Variants in FAT2 observed in about 807,000 individuals in gnomAD.
FAT2 encodes the protein FAT atypical cadherin 2.
A neutral mutation model predicts 295.3 loss-of-function variants in FAT2; 150 were observed. The ratio of observed to expected loss-of-function variants is 0.51; its 90% CI spans 0.44 to 0.58. FAT2 has a LOEUF of 0.58. Ranked by LOEUF, FAT2 falls within the 20% of genes least tolerant of loss-of-function variation. FAT2 has a pLI of 0.00. For synonymous variants in FAT2, 2,026 were observed against 2,150.3 expected, an observed-to-expected ratio of 0.94 and a Z score of 1.60; for missense variants, 4,868 against 5,442.7, an observed-to-expected ratio of 0.89 and a Z score of 3.32.
rs34791158 is a variant in FAT2, at chr5:151,545,481, G to A, written c.5646C>T (p.Val1882=). 1.5e-5 allele frequency: 24 copies of A among 1,614,142 alleles called. No homozygotes were observed. The highest frequency in any genetic ancestry group is 2.2e-5 in the East Asian group (1 of 44,886). ...FSEQIYEVAI[V]GPIHPGMELL... The stretch of plus-strand genomic sequence containing the variant: ...GCTCCATGCCTGGATGGATAGGCCC[G>A]ACTATTGCTACCTCATATATCTGTT... Residue 1882 remains valine, a synonymous_variant, in exon 10 of 24, where the codon GTC becomes GTT. Transcript: ENST00000261800.
At chr5:151,508,789 T>G (rs1026466046) in intron 22 of FAT2, among the ~76,000 whole-genome samples, 3 of 151,930 alleles carry the variant, frequency 2.0e-5, no homozygotes, top group Non-Finnish European at 4.4e-5. Flanking sequence ...TGGGCCTCAG[T>G]TACTGCAGCT....
chr5:151,566,893 G>A lies in FAT2; in HGVS notation c.2039C>T (p.Thr680Ile), dbSNP rs2127647004. The change falls in exon 2 of 24, where the codon ACA becomes ATA. Residue 680 changes from threonine to isoleucine, a missense_variant. Physicochemically the swap from Thr to Ile is moderately conservative, Grantham distance 89. Transcript: ENST00000261800. ...CDKTGVLTQFTKTILHFIGLQ... is the reference protein window; with the variant it reads ...CDKTGVLTQFIKTILHFIGLQ... Reference sequence around the variant, plus strand: ...CCCAATAAAGTGGAGGATAGTCTTTGTGAATTGTGTCAATACCCCTGTTTT... The same window carrying A: ...CCCAATAAAGTGGAGGATAGTCTTTATGAATTGTGTCAATACCCCTGTTTT... 6.2e-7 allele frequency: 1 copy of A among 1,614,190 alleles called. No individual in the cohort carries two copies. Among genetic ancestry groups the A allele is most frequent in the Non-Finnish European group, 8.5e-7 (1 of 1,180,040 alleles).
chr5:151,561,338 A>G (rs566653319), intron 3 of FAT2, among the ~76,000 whole-genome samples: 1 of 152,176 alleles, frequency 6.6e-6, no homozygotes, highest in African/African-American at 2.4e-5. Flanking sequence ...AGAGGTCAGC[A>G]AGGACAGACC....
In FAT2 at chr5:151,513,133, T is replaced by A. The variant is rs187623001; in HGVS notation, c.11464-527A>T. ...TATACAACAGAGTTTTGGAGACACA[T>A]GTTGTCACAACTGATGAATGCAGAA... On this transcript the variant is annotated intron_variant, in intron 20 of 23. Transcript: ENST00000261800. Among the ~76,000 whole-genome samples the A allele has an allele frequency of 3.2e-4, 48 of 152,354 alleles. 1 individual carries two copies. In the East Asian group the frequency reaches 9.1e-3, roughly 29 times the overall value.
At chr5:151,537,321 GAAAA>G (rs759472487) in intron 12 of FAT2, among the ~76,000 whole-genome samples, 71 of 22,538 alleles carry the variant, frequency 3.2e-3, no homozygotes, top group South Asian at 0.024. Flanking sequence ...AAAAGAAAGA[GAAAA>G]AAAGAAAGAA....
At chr5:151,524,160 G>A (rs959773044) in intron 18 of FAT2, among the ~76,000 whole-genome samples, 20 of 152,022 alleles carry the variant, frequency 1.3e-4, no homozygotes, top group African/African-American at 2.7e-4. Context: ...TCCCTTTTCC[G>A]TCTGAAACCC....
intron 6 of FAT2, among the ~76,000 whole-genome samples, chr5:151,552,876 G>A (rs1389521455): frequency 6.6e-6 from 1 of 152,216 alleles, no homozygotes; most frequent in African/African-American, 2.4e-5. Context: ...AAGCATTTCT[G>A]CTCTGGGTCT....
rs6862750 is a variant in FAT2, at chr5:151,512,102, T to G, written c.11905+63A>C. 1 of 1,507,280 alleles carries G rather than the reference T, an allele frequency of 6.6e-7. No individual in the cohort carries two copies. The highest frequency in any genetic ancestry group is 9.0e-7 in the Non-Finnish European group (1 of 1,108,610). The allele number at this position is 1,507,280 out of a possible 1,614,324, so 93.4% of individuals were successfully genotyped here. Reference sequence around the variant, plus strand: ...CTCTGAGATCTCCACCCTGACATGCTTTTCCCACCTGAAGAGCCTTCTGGG... The same window carrying G: ...CTCTGAGATCTCCACCCTGACATGCGTTTCCCACCTGAAGAGCCTTCTGGG... On this transcript the variant is annotated intron_variant, in intron 21 of 23. Coordinates refer to ENST00000261800, the MANE Select transcript of FAT2 (RefSeq NM_001447.3). This position sits in a 1 kb window ranked among gnomAD's most constrained non-coding sequence, Gnocchi z 4.1.
At chr5:151,557,527 G>A (rs1561867389) in intron 3 of FAT2, among the ~76,000 whole-genome samples, 1 of 152,130 alleles carries the variant, frequency 6.6e-6, no homozygotes, top group Non-Finnish European at 1.5e-5. Flanking sequence ...AGAACAGAAG[G>A]AAGCCTGACA....
At position 151,549,333 on chromosome 5, in the gene FAT2, C is replaced by T. The variant is rs140124616; in HGVS notation, c.4751G>A (p.Arg1584Gln). 43 of 1,613,550 alleles carry T rather than the reference C, an allele frequency of 2.7e-5. No homozygotes were observed. The highest frequency in any genetic ancestry group is 1.6e-4 in the South Asian group (15 of 91,048). The change falls in exon 9 of 24, where the codon CGG becomes CAG. Residue 1584 changes from arginine to glutamine, a missense_variant. Around this residue, in one of 5 missense-constraint regions of FAT2, gnomAD observed 3,297 missense variants for 3,669.4 expected, o/e 0.90. Transcript: ENST00000261800. ...GTAGTGGACCTCAGCATTGACTCCC[C>T]GGTCAGCATCCATGGCTCGGACCTG... ...LLQVRAMDAD[R>Q]GVNAEVHYSL... is the part of the protein sequence containing the mutation.
In FAT2 at chr5:151,544,526, G is replaced by T; in HGVS notation, c.6601C>A (p.Leu2201Ile). 2 of 1,614,076 alleles carry T rather than the reference G, an allele frequency of 1.2e-6. No homozygotes were observed. The highest frequency in any genetic ancestry group is 1.7e-6 in the Non-Finnish European group (2 of 1,179,998). ...TCCACAATGTTGTAGATGAGCCGGA[G>T]TCCCTCTGGACTCCGGGCCTGGGTG... ...LHTQARSPEG[L>I]RLIYNIVEEE... is the part of the protein sequence containing the mutation. The change falls in exon 10 of 24, where the codon CTC becomes ATC. Residue 2201 changes from leucine to isoleucine, a missense_variant. Transcript: ENST00000261800.
Position 151,521,647 on chromosome 5 carries a change from C to T in FAT2, c.10946G>A (p.Arg3649Gln), listed in dbSNP as rs201335279. Residue 3649 changes from arginine (R) to glutamine (Q), a missense_variant, in exon 19 of 24, where the codon CGG becomes CAG. This residue lies in a region of FAT2 where 1,046 missense variants were observed against 1,210.1 expected (regional missense o/e 0.86). Transcript: ENST00000261800. ...TPEELVSDHW[R>Q]NLQRFLSHKL... ...ATGGCTGAGGAACCTCTGCAGGTTC[C>T]GCCAGTGGTCACTCACCAGCTCCTC... 17 of 1,613,924 alleles carry T rather than the reference C, an allele frequency of 1.1e-5. No individual in the cohort carries two copies. The highest frequency in any genetic ancestry group is 3.3e-4 in the Middle Eastern group (2 of 6,084).
intron 3 of FAT2, among the ~76,000 whole-genome samples, chr5:151,561,449 G>A (rs1359985350): frequency 6.6e-6 from 1 of 152,058 alleles, no homozygotes; most frequent in Admixed American, 6.5e-5. Context: ...GGAGACCAGT[G>A]ATGCGATCAT....
At chr5:151,509,973 G>T (rs550093347) in intron 22 of FAT2, 48 bp downstream of exon 22, 2 of 1,594,924 alleles carry the variant, frequency 1.3e-6, no homozygotes, top group South Asian at 1.1e-5. Context: ...AGTACAGAGC[G>T]CATTCCCTAA....
At chr5:151,527,153 T>G in intron 17 of FAT2, 81 bp downstream of exon 17, 2 of 1,368,986 alleles carry the variant, frequency 1.5e-6, no homozygotes, top group South Asian at 1.3e-5. Flanking sequence ...TCATGTGGAC[T>G]AATGCCACTG....
chr5:151,525,796 G>T lies in FAT2; in HGVS notation c.10478C>A (p.Ala3493Asp), dbSNP rs2127583999. 1.2e-6 allele frequency: 2 copies of T among 1,614,100 alleles called. No individual in the cohort carries two copies. The highest frequency in any genetic ancestry group is 1.7e-6 in the Non-Finnish European group (2 of 1,180,024). The change falls in exon 18 of 24, where the codon GCT becomes GAT. Residue 3493 changes from alanine to aspartate, a missense_variant. Transcript: ENST00000261800. ...GATCTGAAGCTGATACCATTCCTGA[G>T]CCCTCCTGCTTAGGCCCTCAGCAGT... ...LVTAEGLSRRAQEWYQLQIQA... is the reference protein window; with the variant it reads ...LVTAEGLSRRDQEWYQLQIQA...
At position 151,507,125 on chromosome 5, in the gene FAT2, A is replaced by G. The variant is rs1351888616; in HGVS notation, c.12517+29T>C. On this transcript the variant is annotated intron_variant, in intron 23 of 23. Coordinates refer to ENST00000261800, the MANE Select transcript of FAT2 (RefSeq NM_001447.3). ...ACCACCACCCACTTCCATCAATCCC[A>G]GAGGCTAAGCGTCTCTGGCTATACT... is the stretch of plus-strand genomic sequence containing the variant. 2.6e-6 allele frequency: 4 copies of G among 1,521,894 alleles called. No individual in the cohort carries two copies. The East Asian group carries it at 9.1e-5, about 34-fold the overall frequency. 94.3% of individuals were successfully genotyped at this position (1,521,894 alleles called of 1,614,324 possible).
At chr5:151,510,993 G>C (rs1003550285) in intron 21 of FAT2, 1 of 152,418 alleles carries the variant, frequency 6.6e-6, no homozygotes, top group African/African-American at 2.4e-5. Context: ...GCAGCATGGC[G>C]GCCACTGAGC....
intron 12 of FAT2, among the ~76,000 whole-genome samples, chr5:151,535,624 C>T (rs565312780): frequency 2.0e-5 from 3 of 152,274 alleles, no homozygotes; most frequent in African/African-American, 7.2e-5. Flanking sequence ...TTTCTGAGTT[C>T]TGTGAGCTGT....
Sources: allele counts gnomAD v4.1 joint callset (sites outside exome capture counted in the v4.1 genomes callset), GRCh38; gene constraint gnomAD v4.1.1; regional missense constraint gnomAD v4.1.1; non-coding constraint Gnocchi (gnomAD v3.1); transcripts MANE v1.5; gene names NCBI Gene and HGNC (gene_info 2026-07-23, HGNC 2026-07-21).